Variants in SNX4 observed in about 807,000 individuals in gnomAD.
SNX4 encodes sorting nexin 4, also known as sorting nexin-4.
Under a neutral mutation model 70.8 loss-of-function variants are expected in SNX4, and 49 were observed. The ratio of observed to expected loss-of-function variants is 0.69; its 90% CI spans 0.55 to 0.88. The LOEUF is 0.88. Ranked by LOEUF, SNX4 falls within the 40% of genes least tolerant of loss-of-function variation. The pLI is 0.00. For missense variants in SNX4, 528 were observed against 544.8 expected, an observed-to-expected ratio of 0.97 and a Z score of 0.31; for synonymous variants, 206 against 183.8, an observed-to-expected ratio of 1.12 and a Z score of -0.98.
intron 5 of SNX4, among the ~76,000 whole-genome samples, chr3:125,490,142 C>A (rs561806748): frequency 3.3e-4 from 50 of 150,786 alleles, no homozygotes; most frequent in African/African-American, 1.2e-3. Flanking sequence ...AAAGAAACTA[C>A]TGCTTTAGAG....
intron 5 of SNX4, among the ~76,000 whole-genome samples, chr3:125,492,786 T>C (rs1196962371): frequency 2.0e-5 from 3 of 152,204 alleles, no homozygotes; most frequent in Non-Finnish European, 4.4e-5. Context: ...CCTCACACTG[T>C]AGGCACCAGC....
In SNX4 at chr3:125,504,634, G is replaced by A; in HGVS notation, c.252C>T (p.Leu84=). 3.1e-6 allele frequency: 5 copies of A among 1,610,322 alleles called. No individual in the cohort carries two copies. Among genetic ancestry groups the A allele is most frequent in the Non-Finnish European group, 4.2e-6 (5 of 1,178,644 alleles). Residue 84 remains leucine (L), a synonymous_variant, in exon 2 of 14, where the codon CTC becomes CTT. Transcript: ENST00000251775. ...MNMQETYTAY[L]IETRSVEHTD... Reference sequence around the variant, plus strand: ...TTTCTGTTACCCACCTTGTTTCAATGAGGTAAGCAGTATATGTTTCTTGCA... The same window carrying A: ...TTTCTGTTACCCACCTTGTTTCAATAAGGTAAGCAGTATATGTTTCTTGCA...
intron 13 of SNX4, among the ~76,000 whole-genome samples, chr3:125,448,472 A>G (rs1933486096): frequency 6.6e-6 from 1 of 151,766 alleles, no homozygotes; most frequent in Non-Finnish European, 1.5e-5. Context: ...AAAAAACTTC[A>G]TTAGTCTAAC....
chr3:125,513,331 C>G (rs1352026615), intron 1 of SNX4, among the ~76,000 whole-genome samples: 4 of 152,236 alleles, frequency 2.6e-5, no homozygotes, highest in Non-Finnish European at 5.9e-5. Flanking sequence ...GCCTCGAAGA[C>G]TGTAAGCAAT....
intron 1 of SNX4, among the ~76,000 whole-genome samples, chr3:125,511,881 A>C (rs1935181069): frequency 6.6e-6 from 1 of 152,190 alleles, no homozygotes; most frequent in Non-Finnish European, 1.5e-5. Flanking sequence ...GGTCTGTGAC[A>C]GTGCAAAAAT....
At chr3:125,460,638 CAAT>C in intron 10 of SNX4, 130 bp downstream of exon 10, 1 of 454,322 alleles carries the variant, frequency 2.2e-6, no homozygotes, top group Non-Finnish European at 4.0e-6. Flanking sequence ...CAGAGAAATA[CAAT>C]GAGACCTCAT....
At chr3:125,458,719 CAGG>C (rs914275965) in intron 10 of SNX4, among the ~76,000 whole-genome samples, 7 of 143,772 alleles carry the variant, frequency 4.9e-5, no homozygotes, top group African/African-American at 1.8e-4. Context: ...GAGGCTGAAG[CAGG>C]AGAATGGCGT....
intron 9 of SNX4, among the ~76,000 whole-genome samples, chr3:125,466,717 G>T (rs752032882): frequency 2.0e-4 from 31 of 152,072 alleles, no homozygotes; most frequent in Non-Finnish European, 2.4e-4. Flanking sequence ...GCTTGAACTG[G>T]GGAGGAGGAG....
chr3:125,508,751 G>A (rs367900937), intron 1 of SNX4, among the ~76,000 whole-genome samples: 2 of 152,062 alleles, frequency 1.3e-5, no homozygotes, highest in Non-Finnish European at 2.9e-5. Flanking sequence ...ATTTTGTGAC[G>A]AGACAGTTCG....
chr3:125,465,730 C>T (rs1404802751), intron 9 of SNX4, among the ~76,000 whole-genome samples: 1 of 151,702 alleles, frequency 6.6e-6, no homozygotes, highest in Non-Finnish European at 1.5e-5. Flanking sequence ...GCAACCTCTG[C>T]CTCCCGAGTT....
At chr3:125,450,446 G>A (rs1389237497) in intron 13 of SNX4, among the ~76,000 whole-genome samples, 1 of 152,144 alleles carries the variant, frequency 6.6e-6, no homozygotes, top group African/African-American at 2.4e-5. Flanking sequence ...CATAAGAATT[G>A]TATATATATT....
At position 125,497,873 on chromosome 3, in the gene SNX4, G is replaced by T. The variant is rs758552856; in HGVS notation, c.510C>A (p.Ile170=). Reference sequence around the variant, plus strand: ...GATAGAAGATTTTGTCTCTACAAAGGATGGGATGTGAAGCAATCCTCAAGA... The same window carrying T: ...GATAGAAGATTTTGTCTCTACAAAGTATGGGATGTGAAGCAATCCTCAAGA... ...NFLLRIASHP[I]LCRDKIFYLF... is the part of the protein sequence containing the mutation. The change falls in exon 4 of 14, where the codon ATC becomes ATA. Residue 170 remains isoleucine, a synonymous_variant. Coordinates refer to ENST00000251775, the MANE Select transcript of SNX4 (RefSeq NM_003794.4). 2.0e-5 allele frequency: 32 copies of T among 1,613,674 alleles called. No individual in the cohort carries two copies. In the East Asian group the frequency reaches 6.9e-4, roughly 35 times the overall value.
chr3:125,488,012 AAC>A (rs1934569088), intron 6 of SNX4, among the ~76,000 whole-genome samples: 3 of 152,028 alleles, frequency 2.0e-5, no homozygotes, highest in Admixed American at 2.0e-4. Context: ...AACTGTAACA[AAC>A]ACAGCTCTCT....
chr3:125,496,209 G>A (rs922872010), intron 5 of SNX4, among the ~76,000 whole-genome samples: 2 of 152,098 alleles, frequency 1.3e-5, no homozygotes, highest in Non-Finnish European at 2.9e-5. Context: ...CAGGCGGATC[G>A]CTTGAGTCCA....
intron 2 of SNX4, among the ~76,000 whole-genome samples, chr3:125,503,157 T>C (rs995940088): frequency 6.6e-6 from 1 of 152,240 alleles, no homozygotes; most frequent in East Asian, 1.9e-4. Flanking sequence ...TCTGCCTGCC[T>C]TGGCCTCCCA....
intron 10 of SNX4, among the ~76,000 whole-genome samples, chr3:125,458,137 T>G (rs893360841): frequency 1.3e-5 from 2 of 151,942 alleles, no homozygotes; most frequent in African/African-American, 4.8e-5. Context: ...CCTCAAAGTT[T>G]TCTTCTTTGT....
At chr3:125,452,832 T>C (rs1023385511) in intron 12 of SNX4, among the ~76,000 whole-genome samples, 1 of 152,014 alleles carries the variant, frequency 6.6e-6, no homozygotes, top group Non-Finnish European at 1.5e-5. Flanking sequence ...TTAGCCAGGA[T>C]GGTCTCAAAC....
chr3:125,470,257 C>T (rs1359896315), intron 8 of SNX4, among the ~76,000 whole-genome samples: 3 of 151,912 alleles, frequency 2.0e-5, no homozygotes, highest in Admixed American at 6.6e-5. Flanking sequence ...TTGTGTCATG[C>T]TTTTTTTAAA....
intron 12 of SNX4, among the ~76,000 whole-genome samples, chr3:125,451,975 T>C (rs1012766970): frequency 2.0e-5 from 3 of 152,130 alleles, no homozygotes; most frequent in African/African-American, 7.2e-5. Context: ...ATTATTCCTA[T>C]AAAATACACA....
Sources: gnomAD v4.1 joint callset for allele counts (sites outside exome capture counted in the v4.1 genomes callset) on GRCh38, gnomAD v4.1.1 for gene constraint, MANE v1.5 for transcripts, NCBI Gene and HGNC (gene_info 2026-07-23, HGNC 2026-07-21) for gene names.